PODXL2: variants seen among roughly 807,000 people sequenced by gnomAD.
PODXL2 encodes podocalyxin-like protein 2.
Under a neutral mutation model 53.4 loss-of-function variants are expected in PODXL2, and 17 were observed. The ratio of observed to expected loss-of-function variants is 0.32; its 90% CI spans 0.22 to 0.48. The LOEUF is 0.48. PODXL2 is among the 20% of genes least tolerant of loss of function. PODXL2 has a pLI of 0.99. For missense variants in PODXL2, 673 were observed against 760.0 expected (o/e 0.89, Z 1.35); for synonymous variants, 311 against 306.7 (o/e 1.01, Z -0.15).
At chr3:127,657,923 T>C (rs1405763555) in intron 2 of PODXL2, among the ~76,000 whole-genome samples, 1 of 152,258 alleles carries the variant, frequency 6.6e-6, no homozygotes, top group Non-Finnish European at 1.5e-5. Context: ...TCTGAAGATA[T>C]TAACAAGAAA....
chr3:127,633,297 G>A (rs1576425567), intron 1 of PODXL2, among the ~76,000 whole-genome samples: 1 of 152,220 alleles, frequency 6.6e-6, no homozygotes. Context: ...GAGGAAGGAA[G>A]GTACCCAGCC....
intron 1 of PODXL2, among the ~76,000 whole-genome samples, chr3:127,630,120 G>T (rs867111549): frequency 6.6e-6 from 1 of 152,162 alleles, no homozygotes; most frequent in African/African-American, 2.4e-5. Flanking sequence ...AGTGGAGGGG[G>T]TGTGTAGGGA....
intron 7 of PODXL2, 55 bp from the exon 8 acceptor site, chr3:127,672,213 G>A: frequency 6.8e-7 from 1 of 1,464,510 alleles, no homozygotes; most frequent in Non-Finnish European, 9.2e-7. Context: ...CCGCGGGCCT[G>A]GCGCTGTCCG....
Position 127,660,577 on chromosome 3 carries a change from G to A in PODXL2, c.549G>A (p.Glu183=). The change falls in exon 3 of 8, where the codon GAG becomes GAA. Residue 183 remains glutamate (E), a synonymous_variant. Coordinates refer to ENST00000342480, the MANE Select transcript of PODXL2 (RefSeq NM_015720.4). ...AGGAAGAGGTAGAGAAACAAGAGGAGGAGGAAGAGGAGGAGCTGCTCCCTG... is the reference window on the plus strand; with the variant it reads ...AGGAAGAGGTAGAGAAACAAGAGGAAGAGGAAGAGGAGGAGCTGCTCCCTG... ...REKEEVEKQE[E]EEEEELLPVN... 1 of 1,614,088 alleles carries A rather than the reference G, an allele frequency of 6.2e-7. No individual in the cohort carries two copies. Among genetic ancestry groups the A allele is most frequent in the Non-Finnish European group, 8.5e-7 (1 of 1,179,954 alleles).
chr3:127,641,536 G>A (rs185276383), intron 2 of PODXL2, among the ~76,000 whole-genome samples: 28 of 151,276 alleles, frequency 1.9e-4, no homozygotes, highest in Non-Finnish European at 3.1e-4. Context: ...TTCTTGAGAC[G>A]GAGTTTTGCT....
At chr3:127,658,406 CTTTTTT>C (rs60979669) in intron 2 of PODXL2, among the ~76,000 whole-genome samples, 1 of 87,396 alleles carries the variant, frequency 1.1e-5, no homozygotes, top group South Asian at 4.0e-4. Flanking sequence ...TTTCCCATGT[CTTTTTT>C]TTTTTTTTTT....
intron 4 of PODXL2, among the ~76,000 whole-genome samples, chr3:127,664,249 T>A (rs1034990366): frequency 3.9e-5 from 6 of 152,178 alleles, no homozygotes; most frequent in African/African-American, 1.4e-4. Flanking sequence ...TTAGACAACA[T>A]TTGTCATTTT....
intron 4 of PODXL2, among the ~76,000 whole-genome samples, chr3:127,663,938 C>A (rs1479150547): frequency 2.0e-5 from 3 of 152,140 alleles, no homozygotes; most frequent in Non-Finnish European, 4.4e-5. Flanking sequence ...CTGTGTTATT[C>A]TAATATGTGA....
chr3:127,632,794 C>T (rs1408917772), intron 1 of PODXL2, among the ~76,000 whole-genome samples: 1 of 152,186 alleles, frequency 6.6e-6, no homozygotes, highest in African/African-American at 2.4e-5. Flanking sequence ...TCTTGTTGCA[C>T]CTCCAGGAAG....
At chr3:127,648,359 G>T (rs1265808343) in intron 2 of PODXL2, among the ~76,000 whole-genome samples, 2 of 152,306 alleles carry the variant, frequency 1.3e-5, no homozygotes, top group Admixed American at 6.5e-5. Flanking sequence ...AGAATGATTT[G>T]ACCTTCTGGG....
intron 2 of PODXL2, among the ~76,000 whole-genome samples, chr3:127,650,924 G>C (rs915676583): frequency 2.0e-5 from 3 of 152,142 alleles, no homozygotes; most frequent in Non-Finnish European, 4.4e-5. Context: ...CTCCCAAAGT[G>C]CTGGGATTAC....
chr3:127,651,802 A>T (rs2074690596), intron 2 of PODXL2, among the ~76,000 whole-genome samples: 1 of 152,220 alleles, frequency 6.6e-6, no homozygotes, highest in Admixed American at 6.5e-5. Context: ...TGCATTCCTG[A>T]TGCCACTTCA....
In PODXL2 at chr3:127,662,369, G is replaced by C. The variant is rs1380986997; in HGVS notation, c.1206+58G>C. On this transcript the variant is annotated intron_variant, in intron 4 of 7. Transcript: ENST00000342480. ...AAAGGCTGCAGGCAGTGGACAGGGT[G>C]GGGCAGAGGGCAGGCTGGGGGGACA... 9 of 1,403,560 alleles carry C rather than the reference G, an allele frequency of 6.4e-6. No homozygotes were observed. The Admixed American group carries it at 1.5e-4, about 23-fold the overall frequency. 86.9% of individuals were successfully genotyped at this position (1,403,560 alleles called of 1,614,324 possible).
intron 2 of PODXL2, among the ~76,000 whole-genome samples, chr3:127,641,779 G>A (rs779632329): frequency 4.0e-5 from 6 of 151,790 alleles, no homozygotes; most frequent in Non-Finnish European, 8.8e-5. Flanking sequence ...GCCTCCCAAA[G>A]TGCTGGGATT....
In PODXL2 at chr3:127,633,815, T is replaced by A. The variant is rs191518658; in HGVS notation, c.70+4526T>A. 6.6e-5 allele frequency among the ~76,000 whole-genome samples: 10 copies of A among 151,942 alleles called. No homozygotes were observed. The East Asian group carries it at 1.8e-3, about 27-fold the overall frequency. The stretch of plus-strand genomic sequence containing the variant: ...GAGAGGAGTGGTGTCTCATCCAGAC[T>A]TGGAGTGGCCACAGAAAGCTTCTCG... On this transcript the variant is annotated intron_variant, in intron 1 of 7. Transcript: ENST00000342480.
intron 6 of PODXL2, 71 bp downstream of exon 6, chr3:127,669,273 A>G (rs1481356545): frequency 2.8e-6 from 3 of 1,087,686 alleles, no homozygotes; most frequent in Admixed American, 2.0e-5. Context: ...TCAAAGTCCC[A>G]GGAGTCTGCC....
intron 1 of PODXL2, among the ~76,000 whole-genome samples, chr3:127,635,063 C>T (rs2074568578): frequency 1.3e-5 from 2 of 152,184 alleles, no homozygotes; most frequent in Admixed American, 6.5e-5. Flanking sequence ...TGGGGCATTT[C>T]GGCCATGTGC....
At position 127,668,657 on chromosome 3, in the gene PODXL2, A is replaced by G. The variant is rs549217094; in HGVS notation, c.1363+60A>G. ...GGCAGTGGGAGGCGGGCGGCCCCTG[A>G]GGGTCACGGGAAAAAAGTGCACGCA... is the stretch of plus-strand genomic sequence containing the variant. On this transcript the variant is annotated intron_variant, in intron 5 of 7. Coordinates refer to ENST00000342480, the MANE Select transcript of PODXL2 (RefSeq NM_015720.4). 7.8e-6 allele frequency: 11 copies of G among 1,414,312 alleles called. No individual in the cohort carries two copies. The African/African-American group carries it at 8.7e-5, about 11-fold the overall frequency. 87.6% of individuals were successfully genotyped at this position (1,414,312 alleles called of 1,614,324 possible). A position where few individuals can be genotyped will look rare whatever the true frequency, so the allele number is the denominator to read the frequency against.
chr3:127,660,386 T>C lies in PODXL2; in HGVS notation c.358T>C (p.Phe120Leu), dbSNP rs770604840. 13 of 1,608,462 alleles carry C rather than the reference T, an allele frequency of 8.1e-6. No individual in the cohort carries two copies. The South Asian group carries it at 1.2e-4, about 15-fold the overall frequency. ...LDLGPTADYV[F>L]PDLTEKAGSI... ...TTCATCTCTGTCCTTAGATTATGTT[T>C]TTCCTGACTTAACTGAGAAGGCAGG... Residue 120 changes from phenylalanine to leucine, a missense_variant, in exon 3 of 8, where the codon TTT becomes CTT. Phe to Leu is a conservative substitution (Grantham distance 22, BLOSUM62 0). Around this residue, in one of 3 missense-constraint regions of PODXL2, gnomAD observed 588 missense variants for 668.3 expected, o/e 0.88. Transcript: ENST00000342480.
Sources: allele counts gnomAD v4.1 joint callset (sites outside exome capture counted in the v4.1 genomes callset), GRCh38; gene constraint gnomAD v4.1.1; regional missense constraint gnomAD v4.1.1; transcripts MANE v1.5; gene names NCBI Gene and HGNC (gene_info 2026-07-23, HGNC 2026-07-21).